RELN: variants seen among roughly 807,000 people sequenced by gnomAD.
The protein encoded by RELN is reelin.
In RELN, 108 loss-of-function variants were observed where a neutral mutation model predicts 427.6. That is an observed-to-expected ratio of 0.25 (90% CI 0.22 to 0.30). The LOEUF (loss-of-function observed/expected upper bound fraction) is 0.30, where lower values mean the gene tolerates loss of function less well. Ranked by LOEUF, RELN falls within the 10% of genes least tolerant of loss-of-function variation. RELN has a pLI of 1.00. For missense variants in RELN, 3,715 were observed against 4,302.8 expected, an observed-to-expected ratio of 0.86 and a Z score of 3.82; for synonymous variants, 1,524 against 1,513.4, an observed-to-expected ratio of 1.01 and a Z score of -0.16.
At chr7:103,919,487 A>C (rs1795565908) in intron 1 of RELN, among the ~76,000 whole-genome samples, 1 of 152,020 alleles carries the variant, frequency 6.6e-6, no homozygotes, top group South Asian at 2.1e-4. Context: ...GCTTCCACTT[A>C]TCTCTACTTG....
intron 1 of RELN, among the ~76,000 whole-genome samples, chr7:103,923,103 C>T (rs1795651578): frequency 6.6e-6 from 1 of 152,118 alleles, no homozygotes; most frequent in South Asian, 2.1e-4. Context: ...AAGAAAACAT[C>T]ATTGCATTTT....
At chr7:103,592,237 G>C (rs1315480883) in intron 27 of RELN, among the ~76,000 whole-genome samples, 1 of 151,964 alleles carries the variant, frequency 6.6e-6, no homozygotes, top group Non-Finnish European at 1.5e-5. Flanking sequence ...TCCCCTACGT[G>C]TCCATGTGTT....
At chr7:103,478,513 G>T in intron 63 of RELN, 119 bp from the exon 64 acceptor site, 1 of 686,078 alleles carries the variant, frequency 1.5e-6, no homozygotes, top group Non-Finnish European at 2.6e-6. Context: ...CGCAATATAG[G>T]ATTTTTCATC....
At position 103,500,780 on chromosome 7, in the gene RELN, A is replaced by T; in HGVS notation, c.8632T>A (p.Ser2878Thr). The T allele has an allele frequency of 1.9e-6, 3 of 1,614,088 alleles. No individual in the cohort carries two copies. The highest frequency in any genetic ancestry group is 2.5e-6 in the Non-Finnish European group (3 of 1,179,982). Residue 2878 changes from serine to threonine, a missense_variant, in exon 53 of 65, where the codon TCA becomes ACA. Around this residue, in one of 4 missense-constraint regions of RELN, gnomAD observed 1,310 missense variants for 1,643.0 expected, o/e 0.80. Transcript: ENST00000428762. ...TGGGTCAAGTAGCAGTTTGGCCCTG[A>T]GTATCCCGGATCACAGATGCACTGT... The part of the protein sequence containing the change: ...REQCICDPGY[S>T]GPNCYLTHTL...
chr7:103,499,684 C>A (rs531997902), intron 53 of RELN, among the ~76,000 whole-genome samples: 1 of 152,056 alleles, frequency 6.6e-6, no homozygotes, highest in East Asian at 1.9e-4. Context: ...CAAATGAATA[C>A]GTTTTATAAT....
chr7:103,821,557 A>G (rs1793015120), intron 3 of RELN, among the ~76,000 whole-genome samples: 1 of 152,164 alleles, frequency 6.6e-6, no homozygotes. Flanking sequence ...ATTAAAGAAT[A>G]CTTTAGCTTT....
At chr7:103,595,780 T>C (rs1272312671) in intron 25 of RELN, among the ~76,000 whole-genome samples, 1 of 152,058 alleles carries the variant, frequency 6.6e-6, no homozygotes, top group African/African-American at 2.4e-5. Context: ...TTAATAATAC[T>C]TATATAAAAT....
chr7:103,746,339 T>C (rs1356583765), intron 6 of RELN, among the ~76,000 whole-genome samples: 1 of 152,136 alleles, frequency 6.6e-6, no homozygotes, highest in Admixed American at 6.6e-5. Flanking sequence ...GGCAATACCA[T>C]TCAGGACATA....
intron 3 of RELN, among the ~76,000 whole-genome samples, chr7:103,782,247 C>T (rs767072005): frequency 2.0e-5 from 3 of 152,058 alleles, no homozygotes; most frequent in Non-Finnish European, 2.9e-5. Flanking sequence ...TATTTTCAAC[C>T]TAACTAAACA....
chr7:103,487,409 A>G (rs1325285447), intron 60 of RELN, among the ~76,000 whole-genome samples: 2 of 151,364 alleles, frequency 1.3e-5, no homozygotes, highest in Admixed American at 6.6e-5. Flanking sequence ...TAGAAAAAAA[A>G]AAAGAGAAAT....
intron 1 of RELN, among the ~76,000 whole-genome samples, chr7:103,942,783 G>A (rs891573507): frequency 1.3e-5 from 2 of 152,034 alleles, no homozygotes; most frequent in South Asian, 2.1e-4. Context: ...GTGGTGGCAC[G>A]TGCCTGTAGT....
chr7:103,823,807 T>C lies in RELN; in HGVS notation c.473+9730A>G, dbSNP rs571097199. ...CCTACACCTTCCTTCTGGGTTTGTT[T>C]TCATTTTACTGAAGGGCATCCTTTA... On this transcript the variant is annotated intron_variant, in intron 3 of 64. Coordinates refer to ENST00000428762, the MANE Select transcript of RELN (RefSeq NM_005045.4). Among the ~76,000 whole-genome samples the C allele has an allele frequency of 4.6e-5, 7 of 152,256 alleles. No individual in the cohort carries two copies. The Middle Eastern group carries it at 0.014, about 296-fold the overall frequency.
chr7:103,612,060 T>C (rs1466620080), intron 20 of RELN, among the ~76,000 whole-genome samples: 1 of 152,176 alleles, frequency 6.6e-6, no homozygotes, highest in Non-Finnish European at 1.5e-5. Context: ...ATATTGCTCA[T>C]GAATATAAAC....
At chr7:103,521,940 C>T (rs1387632767) in intron 48 of RELN, 82 bp downstream of exon 48, 9 of 1,388,890 alleles carry the variant, frequency 6.5e-6, no homozygotes, top group Admixed American at 1.7e-5. Flanking sequence ...CTTGATTTGC[C>T]CATTAAACTT....
At chr7:103,598,179 G>C (rs1033688070) in intron 24 of RELN, among the ~76,000 whole-genome samples, 1 of 152,180 alleles carries the variant, frequency 6.6e-6, no homozygotes, top group African/African-American at 2.4e-5. Flanking sequence ...AGCCAATTAA[G>C]AGTTTTCAAA....
chr7:103,666,496 A>G (rs1562947798), intron 11 of RELN, among the ~76,000 whole-genome samples: 1 of 152,072 alleles, frequency 6.6e-6, no homozygotes, highest in Non-Finnish European at 1.5e-5. Context: ...TCTTATCTCA[A>G]TTGGAATGCA....
intron 3 of RELN, among the ~76,000 whole-genome samples, chr7:103,778,255 G>C (rs566500755): frequency 6.6e-6 from 1 of 152,072 alleles, no homozygotes; most frequent in Non-Finnish European, 1.5e-5. Flanking sequence ...TAAATACACT[G>C]TTCAAACCAA....
chr7:103,560,641 T>C (rs909044783), intron 36 of RELN, among the ~76,000 whole-genome samples: 1 of 152,102 alleles, frequency 6.6e-6, no homozygotes. Flanking sequence ...ACAAAACAAA[T>C]CCCGCTGCCC....
intron 48 of RELN, among the ~76,000 whole-genome samples, chr7:103,520,723 G>C (rs73714431): frequency 2.6e-5 from 4 of 151,822 alleles, no homozygotes; most frequent in African/African-American, 9.7e-5. Flanking sequence ...GTTGATATAC[G>C]GATTTTTTTT....
Sources: allele counts gnomAD v4.1 joint callset (sites outside exome capture counted in the v4.1 genomes callset), GRCh38; gene constraint gnomAD v4.1.1; regional missense constraint gnomAD v4.1.1; transcripts MANE v1.5; gene names NCBI Gene and HGNC (gene_info 2026-07-23, HGNC 2026-07-21).